IL1RAP: variants seen among roughly 807,000 people sequenced by gnomAD.
IL1RAP encodes interleukin 1 receptor accessory protein.
Under a neutral mutation model 60.7 loss-of-function variants are expected in IL1RAP, and 35 were observed. That is an observed-to-expected ratio of 0.58 (90% CI 0.44 to 0.76). The LOEUF (loss-of-function observed/expected upper bound fraction) is 0.76, where lower values mean the gene tolerates loss of function less well. Ranked by LOEUF, IL1RAP falls within the 30% of genes least tolerant of loss-of-function variation. The probability of loss-of-function intolerance (pLI) is 0.00; values close to 1 mark genes in which losing one functional copy is unlikely to be tolerated. For synonymous variants in IL1RAP, 268 were observed against 250.9 expected, an observed-to-expected ratio of 1.07 and a Z score of -0.64; for missense variants, 572 against 693.9, an observed-to-expected ratio of 0.82 and a Z score of 1.97.
intron 5 of IL1RAP, among the ~76,000 whole-genome samples, chr3:190,615,098 T>C (rs1731153482): frequency 6.6e-6 from 1 of 152,108 alleles, no homozygotes; most frequent in African/African-American, 2.4e-5. Context: ...AATTCTGCCA[T>C]GAATTCACAA....
intron 1 of IL1RAP, among the ~76,000 whole-genome samples, chr3:190,524,398 C>G (rs1195459729): frequency 6.6e-6 from 1 of 152,102 alleles, no homozygotes; most frequent in East Asian, 1.9e-4. Context: ...AACTGCTTTT[C>G]GTGTCTTCAT....
intron 1 of IL1RAP, among the ~76,000 whole-genome samples, chr3:190,533,204 T>C (rs542181906): frequency 2.0e-4 from 31 of 152,260 alleles, no homozygotes; most frequent in African/African-American, 7.5e-4. Flanking sequence ...GACAAGGGAT[T>C]TGGGTCCAGC....
downstream of IL1RAP, chr3:190,656,506 CA>C: frequency 2.0e-6 from 3 of 1,537,218 alleles, no homozygotes; most frequent in Non-Finnish European, 2.6e-6. Flanking sequence ...TCAATGGATA[CA>C]AAATGGCACC....
rs772215811 is a variant in IL1RAP at position 190,564,270 on chromosome 3, T to C, written c.-1-19T>C. 6.4e-7 allele frequency: 1 copy of C among 1,558,708 alleles called. No homozygotes were observed. On this transcript the variant is annotated intron_variant, in intron 2 of 11. Transcript: ENST00000447382. ...AAAGTAGTAAGTGATTTCCCTTACC[T>C]TTGTATTTATGGTTACAGGATGACA... is the stretch of plus-strand genomic sequence containing the variant.
intron 2 of IL1RAP, among the ~76,000 whole-genome samples, chr3:190,557,405 T>C (rs1725515734): frequency 2.0e-5 from 3 of 152,192 alleles, no homozygotes; most frequent in African/African-American, 7.2e-5. Flanking sequence ...CTTCTAAAGA[T>C]GGCAGGTGGT....
chr3:190,562,259 T>A (rs1438458830), intron 2 of IL1RAP, among the ~76,000 whole-genome samples: 1 of 152,178 alleles, frequency 6.6e-6, no homozygotes, highest in African/African-American at 2.4e-5. Context: ...ACCTCTTGTG[T>A]TTCGTCTTCT....
At chr3:190,587,222 A>G (rs1728539882) in intron 3 of IL1RAP, among the ~76,000 whole-genome samples, 1 of 152,154 alleles carries the variant, frequency 6.6e-6, no homozygotes, top group South Asian at 2.1e-4. Context: ...CAGACTCTAG[A>G]GAGTGACAGA....
intron 1 of IL1RAP, among the ~76,000 whole-genome samples, chr3:190,537,582 C>G (rs1723574469): frequency 6.6e-6 from 1 of 152,078 alleles, no homozygotes; most frequent in Non-Finnish European, 1.5e-5. Context: ...TACACAGTCT[C>G]ATTTGAAGGA....
chr3:190,565,881 ACT>A (rs1479343733), intron 3 of IL1RAP, among the ~76,000 whole-genome samples: 1 of 151,102 alleles, frequency 6.6e-6, no homozygotes, highest in Non-Finnish European at 1.5e-5. Flanking sequence ...CCTACCAGTC[ACT>A]CTCTCTCCCT....
chr3:190,575,824 A>C (rs1727394586), intron 3 of IL1RAP, among the ~76,000 whole-genome samples: 1 of 152,276 alleles, frequency 6.6e-6, no homozygotes, highest in Non-Finnish European at 1.5e-5. Context: ...TATGGCGGAC[A>C]AGGTCCTCTA....
At chr3:190,624,830 G>A (rs138267970) in intron 7 of IL1RAP, 58 of 161,456 alleles carry the variant, frequency 3.6e-4, no homozygotes, top group Admixed American at 1.6e-3. Flanking sequence ...GCCCTGATGC[G>A]TATCTCTGGG....
chr3:190,534,904 T>G (rs73058190), intron 1 of IL1RAP, among the ~76,000 whole-genome samples: 1 of 133,460 alleles, frequency 7.5e-6, no homozygotes, highest in Non-Finnish European at 1.6e-5. Context: ...AGATAAAGTG[T>G]AAGAGAATTA....
chr3:190,568,015 G>A (rs1051914879), intron 3 of IL1RAP, among the ~76,000 whole-genome samples: 3 of 152,088 alleles, frequency 2.0e-5, no homozygotes, highest in Non-Finnish European at 4.4e-5. Context: ...ATCCCAAGTT[G>A]AGGAGGTAAT....
chr3:190,603,537 A>G (rs1730035079), intron 3 of IL1RAP, among the ~76,000 whole-genome samples: 1 of 152,248 alleles, frequency 6.6e-6, no homozygotes, highest in South Asian at 2.1e-4. Flanking sequence ...TGTACCACAG[A>G]AAAAGAATGT....
intron 3 of IL1RAP, among the ~76,000 whole-genome samples, chr3:190,571,558 C>T (rs1726927633): frequency 6.6e-6 from 1 of 151,908 alleles, no homozygotes; most frequent in South Asian, 2.1e-4. Flanking sequence ...GAAATATAGA[C>T]CTTTATTATT....
chr3:190,582,907 C>T (rs1326827878), intron 3 of IL1RAP, among the ~76,000 whole-genome samples: 2 of 152,176 alleles, frequency 1.3e-5, no homozygotes, highest in Non-Finnish European at 2.9e-5. Flanking sequence ...TTCTGAGATT[C>T]TTCAGGAACT....
rs6772092 is a variant in IL1RAP, at chr3:190,524,127, A to G, written c.-89+9908A>G. On this transcript the variant is annotated intron_variant, in intron 1 of 11. Transcript: ENST00000447382. ...TTTCTCTAATGATTAGTGATGTTTT[A>G]TTCATATGCTTGCTGGTTTCATGTA... Among the ~76,000 whole-genome samples, 1,129 of 151,848 alleles carry G rather than the reference A, an allele frequency of 7.4e-3. 23 individuals carry two copies. The highest frequency in any genetic ancestry group is 0.026 in the African/African-American group (1,089 of 41,480).
At chr3:190,654,102 C>T (rs950405590), downstream of IL1RAP, among the ~76,000 whole-genome samples, 3 of 151,622 alleles carry the variant, frequency 2.0e-5, no homozygotes, top group Non-Finnish European at 4.4e-5. Flanking sequence ...AGATCTGGAA[C>T]AGTGTTTGTT....
intron 3 of IL1RAP, among the ~76,000 whole-genome samples, chr3:190,594,948 G>C (rs1321404300): frequency 6.6e-6 from 1 of 152,104 alleles, no homozygotes; most frequent in Non-Finnish European, 1.5e-5. Context: ...ATGGTTGAGG[G>C]ACTTCATTGA....
Sources: allele counts gnomAD v4.1 joint callset (sites outside exome capture counted in the v4.1 genomes callset), GRCh38; gene constraint gnomAD v4.1.1; transcripts MANE v1.5; gene names NCBI Gene and HGNC (gene_info 2026-07-23, HGNC 2026-07-21).